LINGO2: variants seen among roughly 807,000 people sequenced by gnomAD.
The protein encoded by LINGO2 is leucine-rich repeat and immunoglobulin-like domain-containing nogo receptor-interacting protein 2.
A neutral mutation model predicts 30.6 loss-of-function variants in LINGO2; 14 were observed. The ratio of observed to expected loss-of-function variants is 0.46; its 90% CI spans 0.30 to 0.72. The LOEUF (loss-of-function observed/expected upper bound fraction) is 0.72, where lower values mean the gene tolerates loss of function less well. Among genes scored for constraint, LINGO2 ranks in the 30% least tolerant of loss-of-function variants. The pLI, the probability that LINGO2 is intolerant of heterozygous loss-of-function variation, is 0.07. For synonymous variants in LINGO2, 317 were observed against 288.5 expected, an observed-to-expected ratio of 1.10 and a Z score of -1.00; for missense variants, 729 against 751.7, an observed-to-expected ratio of 0.97 and a Z score of 0.35.
intron 4 of LINGO2, among the ~76,000 whole-genome samples, chr9:28,096,407 T>A (rs1015445012): frequency 2.6e-5 from 4 of 152,206 alleles, no homozygotes; most frequent in African/African-American, 9.6e-5. Flanking sequence ...TATGATTTCA[T>A]GAACACTTAG....
chr9:28,678,074 G>T, the LINGO2 span, among the ~76,000 whole-genome samples: 1 of 148,264 alleles, frequency 6.7e-6, no homozygotes, highest in East Asian at 2.0e-4. Flanking sequence ...ACCTTCCAAC[G>T]AAAATTATCT....
intron 1 of LINGO2, among the ~76,000 whole-genome samples, chr9:28,547,222 G>T (rs1587837005): frequency 6.6e-6 from 1 of 152,052 alleles, no homozygotes; most frequent in African/African-American, 2.4e-5. Flanking sequence ...TATGTGAAAA[G>T]GGTACAAAGC....
the LINGO2 span, among the ~76,000 whole-genome samples, chr9:28,680,358 T>G: frequency 4.6e-5 from 7 of 152,092 alleles, no homozygotes; most frequent in African/African-American, 1.7e-4. Flanking sequence ...TATTCATTCA[T>G]CTGATGAGAA....
the LINGO2 span, among the ~76,000 whole-genome samples, chr9:28,730,565 C>G: frequency 3.3e-5 from 5 of 152,218 alleles, 1 homozygote; most frequent in African/African-American, 1.2e-4. Flanking sequence ...CAATAAAGGA[C>G]TAGTTTTTAG....
intron 1 of LINGO2, among the ~76,000 whole-genome samples, chr9:28,648,391 G>A (rs531011025): frequency 6.6e-5 from 10 of 151,976 alleles, no homozygotes; most frequent in Admixed American, 5.2e-4. Context: ...TCTAAGGATC[G>A]GTCAATGCAT....
intron 5 of LINGO2, among the ~76,000 whole-genome samples, chr9:27,994,349 A>T (rs1418534263): frequency 6.6e-6 from 1 of 152,158 alleles, no homozygotes. Context: ...TTTCGTTTTT[A>T]AAAAAAGTTA....
the LINGO2 span, among the ~76,000 whole-genome samples, chr9:28,961,929 C>G: frequency 3.5e-5 from 5 of 143,548 alleles, no homozygotes; most frequent in African/African-American, 1.2e-4. Flanking sequence ...CTACTTCTGA[C>G]TTCATCCAAG....
At chr9:29,015,358 C>A in the LINGO2 span, among the ~76,000 whole-genome samples, 1 of 152,128 alleles carries the variant, frequency 6.6e-6, no homozygotes, top group East Asian at 1.9e-4. Flanking sequence ...GAGCATTCAA[C>A]ACTTGCTTTC....
intron 4 of LINGO2, among the ~76,000 whole-genome samples, chr9:28,139,004 T>C (rs1340152726): frequency 2.6e-5 from 4 of 152,224 alleles, no homozygotes; most frequent in Non-Finnish European, 5.9e-5. Context: ...TCAGTAAGTC[T>C]CAAAAAGGCC....
the LINGO2 span, among the ~76,000 whole-genome samples, chr9:28,916,182 T>C: frequency 6.6e-6 from 1 of 152,118 alleles, no homozygotes; most frequent in Admixed American, 6.5e-5. Flanking sequence ...TTTGTTACAA[T>C]AATATACCGA....
the LINGO2 span, among the ~76,000 whole-genome samples, chr9:29,000,857 C>A: frequency 6.6e-6 from 1 of 151,844 alleles, no homozygotes; most frequent in South Asian, 2.1e-4. Flanking sequence ...GGACATATAC[C>A]GTGTTCCATG....
intron 3 of LINGO2, among the ~76,000 whole-genome samples, chr9:28,302,376 T>G (rs1824181599): frequency 6.6e-6 from 1 of 152,192 alleles, no homozygotes; most frequent in African/African-American, 2.4e-5. Flanking sequence ...TTAGCATATT[T>G]GAGATATACA....
Position 28,304,215 on chromosome 9 carries a change from T to C in LINGO2, c.-245-8849A>G, listed in dbSNP as rs187055388. 3.9e-3 allele frequency among the ~76,000 whole-genome samples: 592 copies of C among 151,046 alleles called. 5 individuals are homozygous for C. Among genetic ancestry groups the C allele is most frequent in the South Asian group, 0.018 (86 of 4,806 alleles). On this transcript the variant is annotated intron_variant, in intron 3 of 5. Coordinates refer to ENST00000379992, the Ensembl canonical transcript of LINGO2. ...CCTTACTGATACAGAAATTTGTTCTTTGAAAATTTTAAATAATTAAAAAAT... is the reference window on the plus strand; with the variant it reads ...CCTTACTGATACAGAAATTTGTTCTCTGAAAATTTTAAATAATTAAAAAAT...
the LINGO2 span, among the ~76,000 whole-genome samples, chr9:28,681,943 T>G: frequency 6.6e-5 from 10 of 152,054 alleles, no homozygotes; most frequent in African/African-American, 2.4e-4. Context: ...TATTCTCAAA[T>G]CATATTTGAA....
At chr9:28,145,403 CTA>C in intron 4 of LINGO2, among the ~76,000 whole-genome samples, 1 of 152,130 alleles carries the variant, frequency 6.6e-6, no homozygotes. Flanking sequence ...GGGAAGTAGC[CTA>C]TAAAATAATA....
chr9:28,873,391 G>GAAAAAAAAAAAAAAAAAAAAAAAAAA, the LINGO2 span, among the ~76,000 whole-genome samples: 3 of 123,064 alleles, frequency 2.4e-5, no homozygotes, highest in Non-Finnish European at 3.6e-5. Context: ...AAAAAAAAAA[G>GAAAAAAAAAAAAAAAAAAAAAAAAAA]AAAAAAAAAA....
intron 1 of LINGO2, among the ~76,000 whole-genome samples, chr9:28,573,968 C>T (rs1438023341): frequency 6.6e-6 from 1 of 152,000 alleles, no homozygotes; most frequent in African/African-American, 2.4e-5. Flanking sequence ...CTATAATATC[C>T]AAATTTCTAA....
the LINGO2 span, among the ~76,000 whole-genome samples, chr9:28,731,004 T>A: frequency 6.6e-6 from 1 of 152,092 alleles, no homozygotes; most frequent in Non-Finnish European, 1.5e-5. Flanking sequence ...ATTTTTTTTT[T>A]TTTGAAACAG....
intron 3 of LINGO2, among the ~76,000 whole-genome samples, chr9:28,321,512 T>C (rs914699652): frequency 1.3e-5 from 2 of 152,190 alleles, no homozygotes; most frequent in African/African-American, 4.8e-5. Flanking sequence ...TGTGCTGTAT[T>C]AGTTAAGGTT....
Sources: gnomAD v4.1 joint callset for allele counts (sites outside exome capture counted in the v4.1 genomes callset) on GRCh38, gnomAD v4.1.1 for gene constraint, MANE v1.5 for transcripts, NCBI Gene and HGNC (gene_info 2026-07-23, HGNC 2026-07-21) for gene names.